The following ARHGAP35 variants were observed in gnomAD, a reference collection of about 807,000 sequenced individuals.
ARHGAP35 encodes the protein Rho GTPase activating protein 35.
ARHGAP35 carries 15 observed loss-of-function variants against 111.1 expected under a neutral mutation model. The ratio of observed to expected loss-of-function variants is 0.13; its 90% confidence interval spans 0.09 to 0.21. The LOEUF is 0.21. ARHGAP35 is among the 10% of genes least tolerant of loss of function. ARHGAP35 has a pLI of 1.00. For missense variants in ARHGAP35, 1,262 were observed against 1,873.0 expected (o/e 0.67, Z 6.02); for synonymous variants, 643 against 710.3 (o/e 0.91, Z 1.51).
chr19:46,878,070 A>G (rs939281155), intron 1 of ARHGAP35, among the ~76,000 whole-genome samples: 3 of 151,998 alleles, frequency 2.0e-5, no homozygotes, highest in African/African-American at 7.2e-5. Flanking sequence ...TGCCCAGGCT[A>G]GAGAGTATAG....
At chr19:46,886,582 T>C (rs1380908070) in intron 1 of ARHGAP35, among the ~76,000 whole-genome samples, 1 of 152,178 alleles carries the variant, frequency 6.6e-6, no homozygotes, top group Non-Finnish European at 1.5e-5. Context: ...GTTTTTATTA[T>C]CATTACAGTG....
Position 46,878,782 on chromosome 19 carries a change from A to G in ARHGAP35, c.-189+17573A>G, listed in dbSNP as rs950764977. ...CAGCCTCCTGTAAAAATACTTTATT[A>G]CTTAAAAAATGCTGGTGATCATCTG... On this transcript the variant is annotated intron_variant, in intron 1 of 6. Coordinates refer to ENST00000672722, the MANE Select transcript of ARHGAP35 (RefSeq NM_004491.5). Among the ~76,000 whole-genome samples the G allele has an allele frequency of 3.3e-5, 5 of 152,266 alleles. No individual in the cohort carries two copies. The East Asian group carries it at 5.8e-4, about 18-fold the overall frequency.
chr19:46,974,697 G>A (rs2122301697), intron 3 of ARHGAP35, among the ~76,000 whole-genome samples: 1 of 152,198 alleles, frequency 6.6e-6, no homozygotes, highest in East Asian at 1.9e-4. Context: ...TTGGCCATTG[G>A]TGATTGAGCT....
At chr19:46,952,878 G>A (rs541543336) in intron 3 of ARHGAP35, among the ~76,000 whole-genome samples, 55 of 152,178 alleles carry the variant, frequency 3.6e-4, no homozygotes, top group South Asian at 1.0e-3. Flanking sequence ...GGGATTCGCC[G>A]TGTTGCCCAG....
chr19:46,936,763 T>C (rs1020168071), intron 2 of ARHGAP35, among the ~76,000 whole-genome samples: 2 of 152,134 alleles, frequency 1.3e-5, no homozygotes, highest in Non-Finnish European at 2.9e-5. Flanking sequence ...TCTGGCATCC[T>C]GTGTGGTATT....
Position 46,922,030 on chromosome 19 carries a change from A to G in ARHGAP35, c.3355A>G (p.Ile1119Val), listed in dbSNP as rs753471760. 3 of 1,613,894 alleles carry G rather than the reference A, an allele frequency of 1.9e-6. No homozygotes were observed. The highest frequency in any genetic ancestry group is 3.3e-5 in the Admixed American group (2 of 60,008). ...CAGCACCCAAGGCAAAATCATCACC[A>G]TTCGGAATATCAACAAAGCCCAGTC... ...HDSTQGKIIT[I>V]RNINKAQSNG... is the part of the protein sequence containing the mutation. Residue 1119 changes from isoleucine to valine, a missense_variant, in exon 2 of 7, where the codon ATT (isoleucine) becomes GTT (valine). Coordinates refer to ENST00000672722, the MANE Select transcript of ARHGAP35 (RefSeq NM_004491.5). The surrounding 1 kb of genome is among the most constrained non-coding windows in gnomAD (Gnocchi z 4.0).
Position 46,861,093 on chromosome 19 carries a change from A to C in ARHGAP35, c.-305A>C, listed in dbSNP as rs999964554. ...GGTCCGCCCGGCCCCCCGCCGCCGG[A>C]GCCGCCGCCGCCGCCTCAGCCGCCG... On this transcript the variant is annotated 5_prime_UTR_variant, in exon 1 of 7. Coordinates refer to ENST00000672722, the MANE Select transcript of ARHGAP35 (RefSeq NM_004491.5). 6.7e-6 allele frequency among the ~76,000 whole-genome samples: 1 copy of C among 149,388 alleles called. No individual in the cohort carries two copies. The highest frequency in any genetic ancestry group is 1.5e-5 in the Non-Finnish European group (1 of 66,968).
chr19:46,880,450 C>G (rs1242035072), intron 1 of ARHGAP35, among the ~76,000 whole-genome samples: 1 of 152,124 alleles, frequency 6.6e-6, no homozygotes, highest in South Asian at 2.1e-4. Flanking sequence ...GAAGCAATTC[C>G]TCATCTGTTC....
chr19:46,990,979 A>G (rs1192788469), intron 5 of ARHGAP35, among the ~76,000 whole-genome samples: 2 of 152,134 alleles, frequency 1.3e-5, no homozygotes, highest in African/African-American at 4.8e-5. Flanking sequence ...GACCCTATCT[A>G]AGCCCACAGG....
chr19:46,928,191 C>CT (rs1034181443), intron 2 of ARHGAP35, among the ~76,000 whole-genome samples: 3 of 152,130 alleles, frequency 2.0e-5, no homozygotes, highest in Non-Finnish European at 4.4e-5. Context: ...AATAGACTAT[C>CT]TTTAACTATC....
intron 1 of ARHGAP35, among the ~76,000 whole-genome samples, chr19:46,874,886 A>G (rs1216260440): frequency 7.6e-6 from 1 of 131,284 alleles, no homozygotes; most frequent in African/African-American, 3.0e-5. Context: ...GTCTCAGCTC[A>G]CTGCAACCTC....
Position 46,999,262 on chromosome 19 carries a change from C to A in ARHGAP35, c.4037-42C>A. 6.9e-7 allele frequency: 1 copy of A among 1,453,918 alleles called. No individual in the cohort carries two copies. The highest frequency in any genetic ancestry group is 9.5e-7 in the Non-Finnish European group (1 of 1,057,428). 90.1% of individuals were successfully genotyped at this position (1,453,918 alleles called of 1,614,324 possible). A position where few individuals can be genotyped will look rare whatever the true frequency, so the allele number is the denominator to read the frequency against. On this transcript the variant is annotated intron_variant, in intron 5 of 6. Coordinates refer to ENST00000672722, the MANE Select transcript of ARHGAP35 (RefSeq NM_004491.5). The surrounding 1 kb of genome is among the most constrained non-coding windows in gnomAD (Gnocchi z 5.4). Reference sequence around the variant, plus strand: ...AGCACGCCCTGGGGTGGCCACCAGCCTCGGCCATGAAAGGCAAGGCTTTGG... The same window carrying A: ...AGCACGCCCTGGGGTGGCCACCAGCATCGGCCATGAAAGGCAAGGCTTTGG...
chr19:46,916,675 C>G (rs1185492468), intron 1 of ARHGAP35, among the ~76,000 whole-genome samples: 3 of 151,906 alleles, frequency 2.0e-5, no homozygotes, highest in African/African-American at 7.3e-5. Flanking sequence ...TGATTGAAAA[C>G]TTGTAAAAAT....
chr19:46,899,332 C>T (rs2122164836), intron 1 of ARHGAP35, among the ~76,000 whole-genome samples: 1 of 152,096 alleles, frequency 6.6e-6, no homozygotes, highest in Non-Finnish European at 1.5e-5. Flanking sequence ...TGAAGGATAG[C>T]TAGAAATGAA....
intron 3 of ARHGAP35, among the ~76,000 whole-genome samples, chr19:46,987,218 C>CTTTTTTTTTTT (rs370500363): frequency 1.1e-4 from 13 of 115,590 alleles, no homozygotes; most frequent in East Asian, 2.5e-4. Flanking sequence ...TCTTTTTTTT[C>CTTTTTTTTTTT]TTTTTTTTTT....
chr19:46,923,315 C>T (rs1267256352), intron 2 of ARHGAP35, among the ~76,000 whole-genome samples: 1 of 151,826 alleles, frequency 6.6e-6, no homozygotes, highest in Non-Finnish European at 1.5e-5. Context: ...GGGGTTTCAC[C>T]GTGTTAGCCA....
At chr19:46,962,400 T>C (rs2056489184) in intron 3 of ARHGAP35, among the ~76,000 whole-genome samples, 1 of 152,220 alleles carries the variant, frequency 6.6e-6, no homozygotes. Flanking sequence ...TGTGTGACAA[T>C]GTCTCTCACC....
At chr19:46,969,860 G>T (rs182177022) in intron 3 of ARHGAP35, among the ~76,000 whole-genome samples, 6 of 152,208 alleles carry the variant, frequency 3.9e-5, no homozygotes, top group African/African-American at 1.4e-4. Context: ...ATGCTTCTGT[G>T]AATACCCCCC....
At chr19:46,861,231 C>A (rs1292833964) in intron 1 of ARHGAP35, among the ~76,000 whole-genome samples, 22 bp downstream of exon 1, 1 of 151,274 alleles carries the variant, frequency 6.6e-6, no homozygotes, top group Admixed American at 6.6e-5. Context: ...AGCTCACGGG[C>A]CCCGGGCGGC....
Sources: allele counts gnomAD v4.1 joint callset (sites outside exome capture counted in the v4.1 genomes callset), GRCh38; gene constraint gnomAD v4.1.1; non-coding constraint Gnocchi (gnomAD v3.1); transcripts MANE v1.5; gene names NCBI Gene and HGNC (gene_info 2026-07-23, HGNC 2026-07-21).